The following PACS1 variants were observed in gnomAD, a reference collection of about 807,000 sequenced individuals.
PACS1 encodes phosphofurin acidic cluster sorting protein 1.
In PACS1, 24 loss-of-function variants were observed where a neutral mutation model predicts 115.0. The ratio of observed to expected loss-of-function variants is 0.21; its 90% CI spans 0.15 to 0.29. The LOEUF is 0.29. Among genes scored for constraint, PACS1 ranks in the 10% least tolerant of loss-of-function variants. The probability of loss-of-function intolerance (pLI) is 1.00; values close to 1 mark genes in which losing one functional copy is unlikely to be tolerated. For missense variants in PACS1, 838 were observed against 1,251.2 expected, an observed-to-expected ratio of 0.67 and a Z score of 4.98; for synonymous variants, 453 against 504.5, an observed-to-expected ratio of 0.90 and a Z score of 1.37.
intron 1 of PACS1, among the ~76,000 whole-genome samples, chr11:66,141,510 C>T (rs750421966): frequency 9.9e-5 from 15 of 152,014 alleles, no homozygotes; most frequent in Non-Finnish European, 1.9e-4. Flanking sequence ...AAAAATTAGG[C>T]GGGCATGGTG....
At chr11:66,161,304 T>C (rs1226038515) in intron 1 of PACS1, among the ~76,000 whole-genome samples, 14 of 151,912 alleles carry the variant, frequency 9.2e-5, no homozygotes, top group Admixed American at 9.2e-4. Flanking sequence ...AAAAAAAAAT[T>C]AGCCGGGCGT....
intron 1 of PACS1, among the ~76,000 whole-genome samples, chr11:66,131,318 C>A (rs1858698647): frequency 6.6e-6 from 1 of 152,084 alleles, no homozygotes; most frequent in Admixed American, 6.5e-5. Context: ...TTATTAATAT[C>A]TTTTTAAACT....
chr11:66,178,605 C>T (rs1310448753), intron 1 of PACS1, among the ~76,000 whole-genome samples: 1 of 151,846 alleles, frequency 6.6e-6, no homozygotes, highest in Non-Finnish European at 1.5e-5. Context: ...TACTTAGTAA[C>T]TCATTTAGAA....
intron 1 of PACS1, among the ~76,000 whole-genome samples, chr11:66,141,558 G>C: frequency 6.6e-6 from 1 of 151,778 alleles, no homozygotes; most frequent in Middle Eastern, 3.4e-3. Flanking sequence ...GGTAGCTGAG[G>C]CAGGAGAATC....
chr11:66,081,523 C>T (rs1857479241), intron 1 of PACS1, among the ~76,000 whole-genome samples: 1 of 152,092 alleles, frequency 6.6e-6, no homozygotes, highest in Admixed American at 6.5e-5. Context: ...ATCACAAGGT[C>T]TTGGGTTCAC....
At chr11:66,117,289 T>C (rs1858325827) in intron 1 of PACS1, among the ~76,000 whole-genome samples, 1 of 151,606 alleles carries the variant, frequency 6.6e-6, no homozygotes, top group African/African-American at 2.4e-5. Context: ...GGTGAAATCG[T>C]GTCTCTCCTA....
At chr11:66,123,076 T>A (rs561148255) in intron 1 of PACS1, among the ~76,000 whole-genome samples, 19 of 152,232 alleles carry the variant, frequency 1.2e-4, no homozygotes, top group South Asian at 2.1e-4. Context: ...TTGTCACAGA[T>A]ACCCCAACCT....
At chr11:66,243,131 A>C in intron 23 of PACS1, 34 bp from the exon 24 acceptor site, 1 of 1,610,780 alleles carries the variant, frequency 6.2e-7, no homozygotes, top group Non-Finnish European at 8.5e-7. Flanking sequence ...TGGCCTGAGC[A>C]GTCTGGTCAC....
intron 1 of PACS1, chr11:66,100,671 A>G (rs1857896846): frequency 2.6e-6 from 1 of 387,694 alleles, no homozygotes; most frequent in Non-Finnish European, 5.2e-6. Flanking sequence ...GTTCAGCAAT[A>G]ATACTCAATT....
intron 10 of PACS1, 172 bp downstream of exon 10, chr11:66,221,419 G>A (rs571477820): frequency 8.4e-5 from 52 of 622,670 alleles, no homozygotes; most frequent in South Asian, 3.3e-4. Context: ...AGGTGGAGTC[G>A]GGCAGATCAT....
At chr11:66,242,715 A>G (rs1855840878) in intron 22 of PACS1, among the ~76,000 whole-genome samples, 197 bp from the exon 23 acceptor site, 1 of 152,184 alleles carries the variant, frequency 6.6e-6, no homozygotes, top group Non-Finnish European at 1.5e-5. Flanking sequence ...GTGGGACCTT[A>G]GCCAAAGTCA....
chr11:66,180,351 C>CTT (rs146651808), intron 1 of PACS1, among the ~76,000 whole-genome samples: 5 of 146,080 alleles, frequency 3.4e-5, no homozygotes, highest in Admixed American at 1.4e-4. Flanking sequence ...TTTCTTTCAG[C>CTT]TTTTTTTTTT....
At chr11:66,190,656 G>T (rs1854498572) in intron 1 of PACS1, among the ~76,000 whole-genome samples, 1 of 152,182 alleles carries the variant, frequency 6.6e-6, no homozygotes, top group African/African-American at 2.4e-5. Context: ...CTGAGTAGCT[G>T]GGACTGCAGG....
rs553640674 is a variant in PACS1, at chr11:66,210,996, A to G, written c.535-138A>G. 8.9e-5 allele frequency: 88 copies of G among 989,320 alleles called. No individual in the cohort carries two copies. In the African/African-American group the frequency reaches 1.3e-3, roughly 15 times the overall value. 61.3% of individuals were successfully genotyped at this position (989,320 alleles called of 1,614,324 possible). On this transcript the variant is annotated intron_variant, in intron 3 of 23. Transcript: ENST00000320580. ...AATCAGCTCCACCAGCAGCAACTTC[A>G]TGGCTCTCCTTTCAACCCTGACTGC... is the stretch of plus-strand genomic sequence containing the variant.
intron 12 of PACS1, 24 bp downstream of exon 12, chr11:66,230,687 G>A (rs199691712): frequency 3.1e-6 from 5 of 1,610,830 alleles, no homozygotes; most frequent in Admixed American, 1.7e-5. Context: ...AAAGGAAGCA[G>A]GGGGTACAGC....
chr11:66,181,431 C>T (rs907670860), intron 1 of PACS1, among the ~76,000 whole-genome samples: 7 of 152,088 alleles, frequency 4.6e-5, no homozygotes, highest in African/African-American at 1.7e-4. Flanking sequence ...CCAGGCTGGT[C>T]TTGAACTCCT....
chr11:66,237,288 T>C (rs1278332318), intron 19 of PACS1, among the ~76,000 whole-genome samples: 1 of 151,666 alleles, frequency 6.6e-6, no homozygotes, highest in African/African-American at 2.4e-5. Flanking sequence ...TCTCAAACTC[T>C]TGGACTCAGG....
intron 14 of PACS1, 61 bp from the exon 15 acceptor site, chr11:66,232,899 C>A: frequency 2.4e-6 from 3 of 1,274,758 alleles, no homozygotes; most frequent in South Asian, 1.2e-5. Flanking sequence ...TGCCTCTTGG[C>A]CCTTGTGAAG....
In PACS1 at chr11:66,210,395, G is replaced by A. The variant is rs774280741; in HGVS notation, c.478G>A (p.Val160Ile). 19 of 1,613,906 alleles carry A rather than the reference G, an allele frequency of 1.2e-5. No homozygotes were observed. Among genetic ancestry groups the A allele is most frequent in the East Asian group, 2.2e-5 (1 of 44,896 alleles). Residue 160 changes from valine to isoleucine, a missense_variant, in exon 3 of 24, where the codon GTC becomes ATC. By Grantham distance (29) the Val-to-Ile change is conservative (BLOSUM62 3). This residue lies in a region of PACS1 where 223 missense variants were observed against 354.0 expected (regional missense o/e 0.63). Transcript: ENST00000320580. ...AAGAATTCTTCGCTCCAACGAGATC[G>A]TCCTTCCAGCTAGTGGACTGGTGGA... The part of the protein sequence containing the change: ...SKRILRSNEI[V>I]LPASGLVETE...
Sources: gnomAD v4.1 joint callset for allele counts (sites outside exome capture counted in the v4.1 genomes callset) on GRCh38, gnomAD v4.1.1 for gene constraint, gnomAD v4.1.1 regional missense constraint, MANE v1.5 for transcripts, NCBI Gene and HGNC (gene_info 2026-07-23, HGNC 2026-07-21) for gene names.